The following NECTIN1 variants were observed in gnomAD, a reference collection of about 807,000 sequenced individuals.
NECTIN1 encodes the protein nectin cell adhesion molecule 1.
NECTIN1 carries 23 observed loss-of-function variants against 48.0 expected under a neutral mutation model. The ratio of observed to expected loss-of-function variants is 0.48; its 90% confidence interval spans 0.34 to 0.68. The LOEUF (loss-of-function observed/expected upper bound fraction) is 0.68, where lower values mean the gene tolerates loss of function less well. NECTIN1 is among the 30% of genes least tolerant of loss of function. NECTIN1 has a pLI of 0.01. For synonymous variants in NECTIN1, 270 were observed against 288.9 expected, an observed-to-expected ratio of 0.93 and a Z score of 0.66; for missense variants, 591 against 709.9, an observed-to-expected ratio of 0.83 and a Z score of 1.90.
At position 119,665,143 on chromosome 11, in the gene NECTIN1, C is replaced by T; in HGVS notation, c.1158G>A (p.Lys386=). 1 of 1,613,872 alleles carries T rather than the reference C, an allele frequency of 6.2e-7. No individual in the cohort carries two copies. Residue 386 remains lysine, a synonymous_variant, in exon 6 of 6, where the codon AAG becomes AAA. Coordinates refer to ENST00000264025, the MANE Select transcript of NECTIN1 (RefSeq NM_002855.5). The surrounding 1 kb of genome is among the most constrained non-coding windows in gnomAD (Gnocchi z 5.1). ...CGTGCTTCTTGGTGCTGTAGTCACCCTTGAAGGTGTGCCGGCGCCGACGCA... is the reference window on the plus strand; with the variant it reads ...CGTGCTTCTTGGTGCTGTAGTCACCTTTGAAGGTGTGCCGGCGCCGACGCA... ...VALRRRRHTF[K]GDYSTKKHVY...
chr11:119,645,652 C>G (rs189075883), intron 5 of NECTIN1, among the ~76,000 whole-genome samples: 37 of 152,310 alleles, frequency 2.4e-4, no homozygotes, highest in Admixed American at 2.4e-3. Context: ...CTGGGTGTTT[C>G]CAGCTTTCTC....
Position 119,673,145 on chromosome 11 carries a change from C to T in NECTIN1, c.1003+2014G>A, listed in dbSNP as rs1399495349. Among the ~76,000 whole-genome samples, 2 of 152,234 alleles carry T rather than the reference C, an allele frequency of 1.3e-5. No homozygotes were observed. Among genetic ancestry groups the T allele is most frequent in the Non-Finnish European group, 2.9e-5 (2 of 68,036 alleles). ...GGGGTGGGCTCCCCAGAGAATGTGG[C>T]AGGCACGGGCCGACGTGGAATGGAG... On this transcript the variant is annotated intron_variant, in intron 5 of 5. Coordinates refer to ENST00000264025, the MANE Select transcript of NECTIN1 (RefSeq NM_002855.5). The surrounding 1 kb of genome is among the most constrained non-coding windows in gnomAD (Gnocchi z 5.8).
chr11:119,647,160 CATGTGTGTGTGTGTGTGTGTGTGT>C (rs1156592858), intron 5 of NECTIN1, among the ~76,000 whole-genome samples: 288 of 71,356 alleles, frequency 4.0e-3, no homozygotes, highest in African/African-American at 0.014. Context: ...GCTTGCGGCG[CATGTGTGTGTGTGTGTGTGTGTGT>C]GTGTGTGTGT....
rs567953400 is a variant in NECTIN1, at chr11:119,663,786, C to G, written c.*961G>C. 1.0e-6 allele frequency: 1 copy of G among 985,350 alleles called. No homozygotes were observed. Among genetic ancestry groups the G allele is most frequent in the Non-Finnish European group, 1.2e-6 (1 of 829,996 alleles). The allele number at this position is 985,350 out of a possible 1,614,324, so 61.0% of individuals were successfully genotyped here. ...GCCTGAGATCCTAGGGTGGAGGCAC[C>G]GGGGACCCAGTCTCAGCTGTCTCTG... is the stretch of plus-strand genomic sequence containing the variant. On this transcript the variant is annotated 3_prime_UTR_variant, in exon 6 of 6. Transcript: ENST00000264025.
At chr11:119,716,806 GAGA>G (rs879748303) in intron 1 of NECTIN1, among the ~76,000 whole-genome samples, 7 of 152,256 alleles carry the variant, frequency 4.6e-5, no homozygotes, top group Non-Finnish European at 1.0e-4. Flanking sequence ...CTGTGTGTGG[GAGA>G]AGATGGCGAT....
At position 119,677,227 on chromosome 11, in the gene NECTIN1, G is replaced by C; in HGVS notation, c.734-8C>G. 1 of 1,610,756 alleles carries C rather than the reference G, an allele frequency of 6.2e-7. No individual in the cohort carries two copies. Among genetic ancestry groups the C allele is most frequent in the Non-Finnish European group, 8.5e-7 (1 of 1,176,938 alleles). On this transcript the variant is annotated splice_region_variant and splice_polypyrimidine_tract_variant and intron_variant, in intron 3 of 5. Coordinates refer to ENST00000264025, the MANE Select transcript of NECTIN1 (RefSeq NM_002855.5). This position sits in a 1 kb window ranked among gnomAD's most constrained non-coding sequence, Gnocchi z 5.4. ...TGGTTACCTCAGGCTCATCTGTGGG[G>C]CAAGGGATGTTTGAAGAGGGTGAGG...
chr11:119,660,013 C>T (rs1811121371), downstream of NECTIN1, among the ~76,000 whole-genome samples: 1 of 152,192 alleles, frequency 6.6e-6, no homozygotes, highest in Non-Finnish European at 1.5e-5. Flanking sequence ...CAGCCAGCTG[C>T]CAACAGCTGC....
Position 119,661,397 on chromosome 11 carries a change from G to A in NECTIN1, c.*3350C>T, listed in dbSNP as rs891286042. The A allele has an allele frequency of 6.1e-6, 6 of 985,922 alleles. No homozygotes were observed. Among genetic ancestry groups the A allele is most frequent in the Admixed American group, 1.2e-4 (2 of 16,268 alleles). 61.1% of individuals were successfully genotyped at this position (985,922 alleles called of 1,614,324 possible). A position where few individuals can be genotyped will look rare whatever the true frequency, so the allele number is the denominator to read the frequency against. On this transcript the variant is annotated 3_prime_UTR_variant, in exon 6 of 6. Transcript: ENST00000264025. ...GAGGGGCCTGCCTCCTGGCATCCCC[G>A]GTACTGGGCAGTGTGTGAAGCCTCC...
chr11:119,667,533 G>A (rs1020240012), intron 5 of NECTIN1, among the ~76,000 whole-genome samples: 5 of 152,228 alleles, frequency 3.3e-5, no homozygotes, highest in African/African-American at 9.6e-5. Context: ...ATTAGAGAAG[G>A]CTTCTTGGAG....
rs1429754753 is a variant in NECTIN1, at chr11:119,728,558, G to A, written c.-5C>T. On this transcript the variant is annotated 5_prime_UTR_variant, in exon 1 of 6. Coordinates refer to ENST00000264025, the MANE Select transcript of NECTIN1 (RefSeq NM_002855.5). ...CGCAAGCCCCATCCGAGCCATCGGG[G>A]GCCGGGGGTCCGGCGAGAGGGGCGG... 2.5e-6 allele frequency: 4 copies of A among 1,573,712 alleles called. No homozygotes were observed. Among genetic ancestry groups the A allele is most frequent in the Non-Finnish European group, 3.5e-6 (4 of 1,158,594 alleles).
chr11:119,706,391 G>A (rs890474449), intron 1 of NECTIN1, among the ~76,000 whole-genome samples: 1 of 152,152 alleles, frequency 6.6e-6, no homozygotes, highest in Non-Finnish European at 1.5e-5. Flanking sequence ...AGTGGAGAAA[G>A]CTTTGGGCCC....
At chr11:119,667,208 A>C (rs1864786946) in intron 5 of NECTIN1, among the ~76,000 whole-genome samples, 1 of 152,074 alleles carries the variant, frequency 6.6e-6, no homozygotes, top group African/African-American at 2.4e-5. Flanking sequence ...TCCCCACGAG[A>C]TGGGAGCAGC....
chr11:119,688,344 C>T (rs913824785), intron 1 of NECTIN1, among the ~76,000 whole-genome samples: 2 of 152,092 alleles, frequency 1.3e-5, no homozygotes, highest in African/African-American at 2.4e-5. Context: ...ATTCCCATCC[C>T]GGCTCTAAGC....
intron 5 of NECTIN1, among the ~76,000 whole-genome samples, chr11:119,649,695 A>G (rs1213524550): frequency 6.6e-6 from 1 of 152,228 alleles, no homozygotes; most frequent in African/African-American, 2.4e-5. Context: ...GTCTCCAAAA[A>G]AAAGAGGAAT....
chr11:119,703,350 G>T (rs6589769), intron 1 of NECTIN1, among the ~76,000 whole-genome samples: 1 of 152,044 alleles, frequency 6.6e-6, no homozygotes, highest in Non-Finnish European at 1.5e-5. Context: ...CAACGGGACA[G>T]ATAAATGTCT....
downstream of NECTIN1, among the ~76,000 whole-genome samples, chr11:119,660,425 A>G (rs12802011): frequency 0.069 from 10,554 of 152,010 alleles, 443 homozygotes; most frequent in Non-Finnish European, 0.093. Context: ...GGGGTGGGTC[A>G]CAGGGAGAGC....
intron 5 of NECTIN1, chr11:119,642,618 C>T (rs1289424519): frequency 1.3e-5 from 2 of 153,690 alleles, no homozygotes; most frequent in Admixed American, 1.3e-4. Context: ...ATCATCCTTA[C>T]AGTGCAAACA....
intron 1 of NECTIN1, among the ~76,000 whole-genome samples, chr11:119,724,491 G>A (rs570452986): frequency 5.3e-5 from 8 of 152,196 alleles, no homozygotes; most frequent in African/African-American, 9.6e-5. Context: ...CAAAGGACCC[G>A]GTAGTGTGTC....
At chr11:119,691,065 A>G (rs1865243947) in intron 1 of NECTIN1, among the ~76,000 whole-genome samples, 1 of 151,934 alleles carries the variant, frequency 6.6e-6, no homozygotes, top group Non-Finnish European at 1.5e-5. Flanking sequence ...GGAATACCCC[A>G]ACTCAATGTG....
Sources: allele counts gnomAD v4.1 joint callset (sites outside exome capture counted in the v4.1 genomes callset), GRCh38; gene constraint gnomAD v4.1.1; non-coding constraint Gnocchi (gnomAD v3.1); transcripts MANE v1.5; gene names NCBI Gene and HGNC (gene_info 2026-07-23, HGNC 2026-07-21).